Variants in RAB3GAP1 observed in about 807,000 individuals in gnomAD.
RAB3GAP1 encodes the protein rab3 GTPase-activating protein catalytic subunit.
In RAB3GAP1, 86 loss-of-function variants were observed where a neutral mutation model predicts 130.7. That is an observed-to-expected ratio of 0.66 (90% CI 0.55 to 0.79). The LOEUF is 0.79. RAB3GAP1 is among the 30% of genes least tolerant of loss of function. The pLI is 0.00. For missense variants in RAB3GAP1, 1,029 were observed against 1,169.4 expected, an observed-to-expected ratio of 0.88 and a Z score of 1.75; for synonymous variants, 367 against 401.7, an observed-to-expected ratio of 0.91 and a Z score of 1.03.
chr2:135,086,505 G>A (rs1410644187), intron 3 of RAB3GAP1, among the ~76,000 whole-genome samples: 1 of 152,094 alleles, frequency 6.6e-6, no homozygotes, highest in South Asian at 2.1e-4. Flanking sequence ...CAGAATTACT[G>A]TTTATTGGTC....
chr2:135,085,338 T>C (rs752035166), intron 3 of RAB3GAP1, among the ~76,000 whole-genome samples: 1 of 152,244 alleles, frequency 6.6e-6, no homozygotes, highest in Non-Finnish European at 1.5e-5. Flanking sequence ...ATCAGATTTT[T>C]ACTGATAGAG....
chr2:135,103,032 G>T (rs924418902), intron 5 of RAB3GAP1, among the ~76,000 whole-genome samples: 29 of 101,960 alleles, frequency 2.8e-4, no homozygotes, highest in East Asian at 1.5e-3. Flanking sequence ...AATCATTTTT[G>T]TGATTTTTTT....
chr2:135,079,173 A>T (rs1376257071), intron 3 of RAB3GAP1, among the ~76,000 whole-genome samples: 1 of 152,086 alleles, frequency 6.6e-6, no homozygotes, highest in Non-Finnish European at 1.5e-5. Context: ...CCAGCCAGAA[A>T]TGTGGTTTCA....
chr2:135,162,486 C>T (rs1439852615), intron 19 of RAB3GAP1, 69 bp from the exon 20 acceptor site: 2 of 1,232,928 alleles, frequency 1.6e-6, no homozygotes, highest in Non-Finnish European at 2.4e-6. Flanking sequence ...AGGATTTGCA[C>T]TTCTGTAAGT....
chr2:135,052,359 C>T, intron 1 of RAB3GAP1, 34 bp downstream of exon 1: 1 of 1,614,164 alleles, frequency 6.2e-7, no homozygotes, highest in Non-Finnish European at 8.5e-7. Context: ...ATCCTTGTCA[C>T]TATCTAAATT....
At chr2:135,070,449 T>G (rs1409647950) in intron 3 of RAB3GAP1, among the ~76,000 whole-genome samples, 1 of 152,194 alleles carries the variant, frequency 6.6e-6, no homozygotes, top group Admixed American at 6.5e-5. Flanking sequence ...GTCTTTAGTT[T>G]TTTAAGTAGA....
In RAB3GAP1 at chr2:135,150,525, G is replaced by A. The variant is rs774740184; in HGVS notation, c.2061+19G>A. 3.7e-6 allele frequency: 6 copies of A among 1,613,508 alleles called. No homozygotes were observed. Among genetic ancestry groups the A allele is most frequent in the Non-Finnish European group, 5.1e-6 (6 of 1,179,998 alleles). ...TTTTAAGGTGGGTCACACTTGCAGA[G>A]CTCTGGGGTCTATTTTGAGCTATTC... On this transcript the variant is annotated intron_variant, in intron 18 of 23. Transcript: ENST00000264158.
At chr2:135,135,418 C>A in intron 16 of RAB3GAP1, 99 bp downstream of exon 16, 1 of 1,437,734 alleles carries the variant, frequency 7.0e-7, no homozygotes, top group Non-Finnish European at 9.7e-7. Context: ...TCTCATGGTG[C>A]TGCTGTAGGT....
At chr2:135,173,652 T>C (rs72980329), downstream of RAB3GAP1, among the ~76,000 whole-genome samples, 6,783 of 152,254 alleles carry the variant, frequency 0.045, 510 homozygotes, top group African/African-American at 0.16. Context: ...CACTTAAAAC[T>C]TCTGCCCCAA....
chr2:135,080,987 A>G (rs111909961), intron 3 of RAB3GAP1, among the ~76,000 whole-genome samples: 22 of 152,158 alleles, frequency 1.4e-4, no homozygotes, highest in Non-Finnish European at 5.9e-5. Flanking sequence ...ATTAGAAACT[A>G]TTTATTAATC....
chr2:135,123,416 T>G (rs1691258738), intron 8 of RAB3GAP1, among the ~76,000 whole-genome samples: 1 of 152,204 alleles, frequency 6.6e-6, no homozygotes, highest in Admixed American at 6.5e-5. Flanking sequence ...ATCATTTACT[T>G]AGGATGTAGA....
intron 11 of RAB3GAP1, among the ~76,000 whole-genome samples, chr2:135,129,581 C>T (rs921631479): frequency 6.6e-6 from 1 of 151,880 alleles, no homozygotes; most frequent in Non-Finnish European, 1.5e-5. Context: ...ATGTCTTTAG[C>T]GTTTCTTCTT....
At chr2:135,075,669 G>A (rs913304520) in intron 3 of RAB3GAP1, among the ~76,000 whole-genome samples, 2 of 130,202 alleles carry the variant, frequency 1.5e-5, no homozygotes, top group African/African-American at 5.8e-5. Flanking sequence ...TTTTATATTT[G>A]CCTTTTTTTG....
chr2:135,162,362 T>C, intron 19 of RAB3GAP1, 193 bp from the exon 20 acceptor site: 2 of 603,202 alleles, frequency 3.3e-6, no homozygotes, highest in South Asian at 2.0e-5. Context: ...ATAGAATATT[T>C]ATAATTATTA....
intron 5 of RAB3GAP1, among the ~76,000 whole-genome samples, chr2:135,106,764 A>T (rs546490263): frequency 1.4e-5 from 2 of 144,010 alleles, no homozygotes; most frequent in African/African-American, 4.9e-5. Context: ...ACTAAAAAAA[A>T]AAATAAAAAA....
chr2:135,114,965 A>C (rs756482552), intron 6 of RAB3GAP1, among the ~76,000 whole-genome samples: 82 of 152,330 alleles, frequency 5.4e-4, no homozygotes, highest in Non-Finnish European at 9.9e-4. Context: ...ATGTTTTCTG[A>C]CTTTTAGCTG....
At chr2:135,058,156 G>A (rs764818431) in intron 3 of RAB3GAP1, 70 bp downstream of exon 3, 2 of 1,268,718 alleles carry the variant, frequency 1.6e-6, no homozygotes, top group East Asian at 2.3e-5. Context: ...GCCCTTTGCT[G>A]CATTTGGCAC....
At chr2:135,116,713 T>A (rs1168089069) in intron 7 of RAB3GAP1, among the ~76,000 whole-genome samples, 4 of 152,194 alleles carry the variant, frequency 2.6e-5, no homozygotes. Context: ...GGGTGATTTG[T>A]TATGATGCCT....
At chr2:135,167,774 A>G in intron 23 of RAB3GAP1, 1 of 1,382,360 alleles carries the variant, frequency 7.2e-7, no homozygotes, top group Non-Finnish European at 9.9e-7. Context: ...CTAATTTCAT[A>G]AGGTCATTAA....
Sources: gnomAD v4.1 joint callset for allele counts (sites outside exome capture counted in the v4.1 genomes callset) on GRCh38, gnomAD v4.1.1 for gene constraint, MANE v1.5 for transcripts, NCBI Gene and HGNC (gene_info 2026-07-23, HGNC 2026-07-21) for gene names.